The following OR51I2 variants were observed in gnomAD, a reference collection of about 807,000 sequenced individuals.
OR51I2 encodes olfactory receptor family 51 subfamily I member 2, also known as olfactory receptor 51I2.
OR51I2 carries 6 observed loss-of-function variants against 9.3 expected under a neutral mutation model. The ratio of observed to expected loss-of-function variants is 0.64; its 90% CI spans 0.35 to 1.27. The LOEUF is 1.27. Ranked by LOEUF, OR51I2 falls within the 50% of genes most tolerant of loss-of-function variation. The pLI, the probability that OR51I2 is intolerant of heterozygous loss-of-function variation, is 0.03. For missense variants in OR51I2, 489 were observed against 396.4 expected, an observed-to-expected ratio of 1.23 and a Z score of -1.98; for synonymous variants, 179 against 143.1, an observed-to-expected ratio of 1.25 and a Z score of -1.79.
rs1039441915 is a variant in OR51I2 at position 5,455,664 on chromosome 11, CATGGAAACTCATCCA to C, written c.*1238_*1252del. ...CACTAGGTAGTCTAACTTAACTCAC[CATGGAAACTCATCCA>C]GAAACCACGTAGTAGCAAAGCATAT... On this transcript the variant is annotated 3_prime_UTR_variant, in exon 2 of 2. Transcript: ENST00000641930. 1.3e-5 allele frequency: 2 copies of C among 150,972 alleles called. No homozygotes were observed. The highest frequency in any genetic ancestry group is 2.9e-5 in the Non-Finnish European group (2 of 67,956). The allele number at this position is 150,972 out of a possible 1,614,324, so 9.4% of individuals were successfully genotyped here.
Position 5,455,159 on chromosome 11 carries a change from C to T in OR51I2, c.*732C>T, listed in dbSNP as rs1410471051. The T allele has an allele frequency of 6.6e-6, 1 of 152,090 alleles. No individual in the cohort carries two copies. The allele number at this position is 152,090 out of a possible 1,614,324, so 9.4% of individuals were successfully genotyped here. ...TTCTTCTTTACTTCTTTTATCTGCCCACCACTCAATCCTTACCAACAGAAA... is the reference window on the plus strand; with the variant it reads ...TTCTTCTTTACTTCTTTTATCTGCCTACCACTCAATCCTTACCAACAGAAA... On this transcript the variant is annotated 3_prime_UTR_variant, in exon 2 of 2. Coordinates refer to ENST00000641930, the MANE Select transcript of OR51I2 (RefSeq NM_001004754.3).
rs1240305349 is a variant in OR51I2, at chr11:5,453,475, A to C, written c.-14A>C. 5 of 1,503,114 alleles carry C rather than the reference A, an allele frequency of 3.3e-6. No homozygotes were observed. The highest frequency in any genetic ancestry group is 1.4e-5 in the African/African-American group (1 of 71,366). The allele number at this position is 1,503,114 out of a possible 1,614,324, so 93.1% of individuals were successfully genotyped here. A position where few individuals can be genotyped will look rare whatever the true frequency, so the allele number is the denominator to read the frequency against. On this transcript the variant is annotated 5_prime_UTR_variant, in exon 2 of 2. Transcript: ENST00000641930. ...AAGATCTGACTCTGAAAAGTACCCTAAGTTTGTTTTGCTATGGGGTTGTTC... is the reference window on the plus strand; with the variant it reads ...AAGATCTGACTCTGAAAAGTACCCTCAGTTTGTTTTGCTATGGGGTTGTTC...
intron 1 of OR51I2, among the ~76,000 whole-genome samples, chr11:5,450,038 A>G (rs953095149): frequency 6.6e-6 from 1 of 152,168 alleles, no homozygotes; most frequent in African/African-American, 2.4e-5. Context: ...TTGATTAAAA[A>G]GTAAAATTAA....
rs759967220 is a variant in OR51I2, at chr11:5,454,369, C to T, written c.881C>T (p.Ala294Val). The change falls in exon 2 of 2, where the codon GCC becomes GTC. Residue 294 changes from alanine (A) to valine (V), a missense_variant. By Grantham distance (64) the Ala-to-Val change is moderately conservative (BLOSUM62 0). Coordinates refer to ENST00000641930, the MANE Select transcript of OR51I2 (RefSeq NM_001004754.3). ...PPVLNPLIYS[A>V]KTKEIRRAIF... is the part of the protein sequence containing the mutation. Reference sequence around the variant, plus strand: ...GTGCTCAACCCTCTCATTTATAGCGCCAAGACAAAGGAAATCCGCCGAGCC... The same window carrying T: ...GTGCTCAACCCTCTCATTTATAGCGTCAAGACAAAGGAAATCCGCCGAGCC... The T allele has an allele frequency of 6.2e-7, 1 of 1,613,342 alleles. No individual in the cohort carries two copies. The highest frequency in any genetic ancestry group is 8.5e-7 in the Non-Finnish European group (1 of 1,179,988).
Position 5,454,172 on chromosome 11 carries a change from T to C in OR51I2, c.684T>C (p.Thr228=), listed in dbSNP as rs748878145. The C allele has an allele frequency of 2.5e-6, 4 of 1,613,248 alleles. No homozygotes were observed. Among genetic ancestry groups the C allele is most frequent in the Admixed American group, 1.7e-5 (1 of 59,872 alleles). Residue 228 remains threonine, a synonymous_variant, in exon 2 of 2, where the codon ACT becomes ACC. Transcript: ENST00000641930. ...TCATTCTGCGTTCTGTCATGGCCAC[T>C]GCTTCCCGTGAGGAACGCCTCAAAG... is the stretch of plus-strand genomic sequence containing the variant. ...YVLILRSVMA[T]ASREERLKAL... is the part of the protein sequence containing the mutation.
rs745615443 is a variant in OR51I2 at position 5,454,264 on chromosome 11, C to T, written c.776C>T (p.Ser259Phe). The T allele has an allele frequency of 6.2e-6, 10 of 1,614,156 alleles. No individual in the cohort carries two copies. The highest frequency in any genetic ancestry group is 8.5e-6 in the Non-Finnish European group (10 of 1,180,024). Residue 259 changes from serine to phenylalanine, a missense_variant, in exon 2 of 2, where the codon TCC becomes TTC. By Grantham distance (155) the Ser-to-Phe change is radical. Transcript: ENST00000641930. ...LAFYVPMIGV[S>F]TVHRFGKHVP... is the part of the protein sequence containing the mutation. ...TTTTATGTGCCAATGATTGGGGTCT[C>T]CACAGTGCACCGCTTTGGGAAGCAT...
At chr11:5,452,615 T>C (rs1337139567) in intron 1 of OR51I2, among the ~76,000 whole-genome samples, 1 of 145,408 alleles carries the variant, frequency 6.9e-6, no homozygotes, top group Non-Finnish European at 1.5e-5. Context: ...ATGGAGAGAG[T>C]ATGTGAATGA....
intron 1 of OR51I2, among the ~76,000 whole-genome samples, chr11:5,451,113 C>T (rs12278135): frequency 0.26 from 38,853 of 152,130 alleles, 5,623 homozygotes; most frequent in East Asian, 0.43. Flanking sequence ...ATATCACATG[C>T]GTTCAATAAG....
rs567998631 is a variant in OR51I2, at chr11:5,451,207, G to T, written c.-231+1843G>T. On this transcript the variant is annotated intron_variant, in intron 1 of 1. Coordinates refer to ENST00000641930, the MANE Select transcript of OR51I2 (RefSeq NM_001004754.3). ...TAGCAATCCCCAAGGTAAGGGAAGG[G>T]ATATAATTCTGGAACAGTCAGGCAG... is the stretch of plus-strand genomic sequence containing the variant. 3.3e-5 allele frequency among the ~76,000 whole-genome samples: 5 copies of T among 152,322 alleles called. No homozygotes were observed. In the East Asian group the frequency reaches 9.7e-4, roughly 29 times the overall value.
intron 1 of OR51I2, among the ~76,000 whole-genome samples, chr11:5,450,672 G>A (rs1378051134): frequency 6.6e-6 from 1 of 152,014 alleles, no homozygotes; most frequent in African/African-American, 2.4e-5. Flanking sequence ...CTTTGTTTAG[G>A]GGTACCTGTG....
chr11:5,452,902 A>G (rs1264544440), intron 1 of OR51I2, among the ~76,000 whole-genome samples: 1 of 152,216 alleles, frequency 6.6e-6, no homozygotes, highest in Non-Finnish European at 1.5e-5. Flanking sequence ...CTGCCAATGA[A>G]AAGCTCATGA....
At position 5,455,565 on chromosome 11, in the gene OR51I2, GAGAGAGAGAGAGAA is replaced by G. The variant is rs1850940435; in HGVS notation, c.*1144_*1157del. 1 of 11,106 alleles carries G rather than the reference GAGAGAGAGAGAGAA, an allele frequency of 9.0e-5. No individual in the cohort carries two copies. Among genetic ancestry groups the G allele is most frequent in the South Asian group, 3.1e-3 (1 of 326 alleles). 0.7% of individuals were successfully genotyped at this position (11,106 alleles called of 1,614,324 possible). A position where few individuals can be genotyped will look rare whatever the true frequency, so the allele number is the denominator to read the frequency against. ...AGGGATTGGGGGAGAAAGAAGGGGG[GAGAGAGAGAGAGAA>G]AGAGAAAGAGAGAAAGAGAAAAAGA... is the stretch of plus-strand genomic sequence containing the variant. On this transcript the variant is annotated 3_prime_UTR_variant, in exon 2 of 2. Transcript: ENST00000641930.
intron 1 of OR51I2, among the ~76,000 whole-genome samples, chr11:5,449,676 C>T (rs200057384): frequency 6.6e-6 from 1 of 152,158 alleles, no homozygotes; most frequent in Non-Finnish European, 1.5e-5. Flanking sequence ...AACATTGCTG[C>T]AAATTCAGAG....
rs1850925533 is a variant in OR51I2, at chr11:5,454,726, A to G, written c.*299A>G. 1.0e-5 allele frequency: 2 copies of G among 200,904 alleles called. No homozygotes were observed. The highest frequency in any genetic ancestry group is 1.0e-5 in the Non-Finnish European group (1 of 99,194). The allele number at this position is 200,904 out of a possible 1,614,324, so 12.4% of individuals were successfully genotyped here. ...TTCTATAATAATGAATATTACTAAT[A>G]TAATAATTAACAAACTTAGTCCTAA... On this transcript the variant is annotated 3_prime_UTR_variant, in exon 2 of 2. Transcript: ENST00000641930.
intron 1 of OR51I2, among the ~76,000 whole-genome samples, chr11:5,450,857 A>G (rs1344833166): frequency 2.6e-5 from 4 of 152,092 alleles, no homozygotes; most frequent in African/African-American, 9.7e-5. Context: ...GCTGAGGATG[A>G]TGGCTTCCAG....
chr11:5,452,607 G>A (rs1373382278), intron 1 of OR51I2, among the ~76,000 whole-genome samples: 1 of 129,554 alleles, frequency 7.7e-6, no homozygotes, highest in Non-Finnish European at 1.7e-5. Context: ...ATGGAGATAT[G>A]GAGAGAGTAT....
chr11:5,451,342 T>C (rs1028345664), intron 1 of OR51I2, among the ~76,000 whole-genome samples: 1 of 152,252 alleles, frequency 6.6e-6, no homozygotes, highest in Non-Finnish European at 1.5e-5. Context: ...TCTCTTTCTG[T>C]TACTTTTACA....
rs1368121332 is a variant in OR51I2, at chr11:5,456,337, G to A, written c.*1910G>A. ...AGCTACTGATTTTCAGGTTCTAATG[G>A]AAAATGCACATTTATATTTTTCCCT... On this transcript the variant is annotated 3_prime_UTR_variant, in exon 2 of 2. Transcript: ENST00000641930. 2 of 151,990 alleles carry A rather than the reference G, an allele frequency of 1.3e-5. No individual in the cohort carries two copies. Among genetic ancestry groups the A allele is most frequent in the African/African-American group, 4.8e-5 (2 of 41,410 alleles). 9.4% of individuals were successfully genotyped at this position (151,990 alleles called of 1,614,324 possible).
chr11:5,452,873 T>C (rs34864657), intron 1 of OR51I2, among the ~76,000 whole-genome samples: 1 of 152,228 alleles, frequency 6.6e-6, no homozygotes, highest in African/African-American at 2.4e-5. Context: ...ATTTCTGTTG[T>C]TGCTTTTTTG....
Sources: gnomAD v4.1 joint callset for allele counts (sites outside exome capture counted in the v4.1 genomes callset) on GRCh38, gnomAD v4.1.1 for gene constraint, MANE v1.5 for transcripts, NCBI Gene and HGNC (gene_info 2026-07-23, HGNC 2026-07-21) for gene names.